Variants in KIDINS220 observed in about 807,000 individuals in gnomAD.
KIDINS220 encodes the protein kinase D interacting substrate 220.
KIDINS220 carries 63 observed loss-of-function variants against 157.6 expected under a neutral mutation model. The ratio of observed to expected loss-of-function variants is 0.40; its 90% CI spans 0.33 to 0.49. The LOEUF is 0.49. KIDINS220 is among the 20% of genes least tolerant of loss of function. The pLI, the probability that KIDINS220 is intolerant of heterozygous loss-of-function variation, is 0.66. For synonymous variants in KIDINS220, 732 were observed against 783.6 expected, an observed-to-expected ratio of 0.93 and a Z score of 1.10; for missense variants, 1,772 against 2,171.2, an observed-to-expected ratio of 0.82 and a Z score of 3.65.
intron 26 of KIDINS220, 107 bp from the exon 27 acceptor site, chr2:8,737,106 A>G (rs1290260155): frequency 3.9e-6 from 4 of 1,015,008 alleles, no homozygotes; most frequent in Non-Finnish European, 5.6e-6. Context: ...GAAGTAAAGT[A>G]AAAAAAAACA....
chr2:8,814,401 A>C (rs1477442556), intron 4 of KIDINS220, among the ~76,000 whole-genome samples: 1 of 152,228 alleles, frequency 6.6e-6, no homozygotes, highest in African/African-American at 2.4e-5. Flanking sequence ...AACCCAAGGA[A>C]TAAATATTCA....
At chr2:8,750,439 ATCAC>A (rs1178202945) in intron 23 of KIDINS220, 104 bp from the exon 24 acceptor site, 2 of 726,460 alleles carry the variant, frequency 2.8e-6, no homozygotes, top group Non-Finnish European at 4.0e-6. Context: ...ACATGACTTT[ATCAC>A]TCTTGCCACG....
chr2:8,749,962 A>G (rs1667101447), intron 24 of KIDINS220, 150 bp downstream of exon 24: 1 of 621,266 alleles, frequency 1.6e-6, no homozygotes, highest in Non-Finnish European at 2.8e-6. Context: ...TTTGATTTCC[A>G]AAAAGTCCTA....
At chr2:8,751,057 T>C (rs920150992) in intron 23 of KIDINS220, among the ~76,000 whole-genome samples, 2 of 152,122 alleles carry the variant, frequency 1.3e-5, no homozygotes, top group African/African-American at 4.8e-5. Context: ...AAGATTTTCT[T>C]ACTTCTCTGG....
downstream of KIDINS220, chr2:8,722,310 G>A (rs1276025822): frequency 1.3e-5 from 2 of 152,256 alleles, no homozygotes; most frequent in African/African-American, 4.8e-5. Flanking sequence ...GGTCAGCAGA[G>A]TTAGACTGCA....
At chr2:8,728,462 T>A (rs997344071), downstream of KIDINS220, among the ~76,000 whole-genome samples, 1 of 152,244 alleles carries the variant, frequency 6.6e-6, no homozygotes. Flanking sequence ...GAGTTTTGCA[T>A]GTGTGAGAAT....
chr2:8,750,806 G>C (rs958845411), intron 23 of KIDINS220, among the ~76,000 whole-genome samples: 13 of 152,146 alleles, frequency 8.5e-5, no homozygotes, highest in African/African-American at 3.1e-4. Flanking sequence ...CATCAGCCTT[G>C]TAACAGGTAC....
At chr2:8,766,414 C>T (rs1669503707) in intron 22 of KIDINS220, among the ~76,000 whole-genome samples, 1 of 152,210 alleles carries the variant, frequency 6.6e-6, no homozygotes, top group South Asian at 2.1e-4. Flanking sequence ...GCAGAACCTG[C>T]ACTACTCTTC....
At chr2:8,734,090 C>T (rs1290347467) in intron 28 of KIDINS220, among the ~76,000 whole-genome samples, 1 of 151,516 alleles carries the variant, frequency 6.6e-6, no homozygotes, top group Non-Finnish European at 1.5e-5. Flanking sequence ...GGAATAAGCA[C>T]GAATGAGTGG....
At chr2:8,761,995 T>C (rs1187267010) in intron 22 of KIDINS220, among the ~76,000 whole-genome samples, 1 of 152,202 alleles carries the variant, frequency 6.6e-6, no homozygotes, top group South Asian at 2.1e-4. Context: ...TCAAGGCATA[T>C]GTAATTTTTT....
chr2:8,795,617 C>G (rs1376678064), intron 11 of KIDINS220, among the ~76,000 whole-genome samples: 1 of 152,212 alleles, frequency 6.6e-6, no homozygotes, highest in Non-Finnish European at 1.5e-5. Context: ...ACAACTGTTG[C>G]AACTATCATG....
chr2:8,830,435 T>C (rs900295011), intron 1 of KIDINS220, among the ~76,000 whole-genome samples: 1 of 152,174 alleles, frequency 6.6e-6, no homozygotes, highest in African/African-American at 2.4e-5. Flanking sequence ...TATTTATTTT[T>C]TGAGACAGGG....
chr2:8,739,368 C>A (rs1238235660), intron 26 of KIDINS220, among the ~76,000 whole-genome samples: 2 of 152,036 alleles, frequency 1.3e-5, no homozygotes, highest in Non-Finnish European at 2.9e-5. Flanking sequence ...ATAAGTTGGG[C>A]TTTATACAAG....
intron 23 of KIDINS220, among the ~76,000 whole-genome samples, chr2:8,750,875 C>G (rs1667248723): frequency 1.3e-5 from 2 of 152,132 alleles, no homozygotes; most frequent in Non-Finnish European, 2.9e-5. Flanking sequence ...CTGGAAAACT[C>G]AAAGGCAGGT....
intron 22 of KIDINS220, among the ~76,000 whole-genome samples, chr2:8,756,496 A>T (rs1295817924): frequency 6.6e-6 from 1 of 152,204 alleles, no homozygotes; most frequent in Non-Finnish European, 1.5e-5. Flanking sequence ...GAAAGTGGGT[A>T]TCTTAGTTAA....
chr2:8,791,997 C>T (rs1673252934), intron 12 of KIDINS220, among the ~76,000 whole-genome samples: 3 of 152,026 alleles, frequency 2.0e-5, no homozygotes, highest in Non-Finnish European at 4.4e-5. Flanking sequence ...ACATAAGTGG[C>T]ATTTCAAATA....
At chr2:8,767,537 C>T (rs1172932444) in intron 22 of KIDINS220, among the ~76,000 whole-genome samples, 7 of 152,176 alleles carry the variant, frequency 4.6e-5, no homozygotes, top group Admixed American at 4.6e-4. Flanking sequence ...ATGCTATCCA[C>T]ATTCATAACT....
At chr2:8,738,984 G>A (rs537591434) in intron 26 of KIDINS220, among the ~76,000 whole-genome samples, 6 of 152,002 alleles carry the variant, frequency 3.9e-5, no homozygotes, top group African/African-American at 1.2e-4. Context: ...CTCTACTTCC[G>A]ATTGTGCTAA....
At chr2:8,781,869 C>T (rs1045400979) in intron 17 of KIDINS220, among the ~76,000 whole-genome samples, 1 of 152,150 alleles carries the variant, frequency 6.6e-6, no homozygotes, top group Non-Finnish European at 1.5e-5. Flanking sequence ...TGCCTATAAT[C>T]CCAGCACTTT....
Sources: gnomAD v4.1 joint callset for allele counts (sites outside exome capture counted in the v4.1 genomes callset) on GRCh38, gnomAD v4.1.1 for gene constraint, MANE v1.5 for transcripts, NCBI Gene and HGNC (gene_info 2026-07-23, HGNC 2026-07-21) for gene names.